Variants in KCP observed in about 807,000 individuals in gnomAD.
KCP encodes kielin/chordin-like protein.
KCP carries 194 observed loss-of-function variants against 212.7 expected under a neutral mutation model. That is an observed-to-expected ratio of 0.91 (90% CI 0.81 to 1.03). KCP has a LOEUF of 1.03. Ranked by LOEUF, KCP falls within the 50% of genes least tolerant of loss-of-function variation. KCP has a pLI of 0.00. For synonymous variants in KCP, 833 were observed against 865.3 expected (o/e 0.96, Z 0.65); for missense variants, 2,080 against 2,162.5 (o/e 0.96, Z 0.76).
intron 18 of KCP, 77 bp downstream of exon 18, chr7:128,891,374 C>T (rs1794120070): frequency 6.5e-7 from 1 of 1,545,654 alleles, no homozygotes; most frequent in African/African-American, 1.4e-5. Context: ...ACCCCTCCCA[C>T]CTGGGCGGGC....
In KCP at chr7:128,891,112, G is replaced by A. The variant is rs1263991252; in HGVS notation, c.1973-16C>T. The A allele has an allele frequency of 2.7e-6, 4 of 1,480,634 alleles. No individual in the cohort carries two copies. The highest frequency in any genetic ancestry group is 2.6e-5 in the South Asian group (2 of 77,354). 91.7% of individuals were successfully genotyped at this position (1,480,634 alleles called of 1,614,324 possible). ...GCTGGGGCGGCTGCGGCGAGACAGC[G>A]CATCAAAGGGGCCCAGGAACAGGCC... is the stretch of plus-strand genomic sequence containing the variant. On this transcript the variant is annotated splice_polypyrimidine_tract_variant and intron_variant, in intron 19 of 39. Transcript: ENST00000610776.
chr7:128,877,714 C>T lies in KCP; in HGVS notation c.4388G>A (p.Arg1463His), dbSNP rs779798989. 107 of 1,551,030 alleles carry T rather than the reference C, an allele frequency of 6.9e-5. No individual in the cohort carries two copies. Among genetic ancestry groups the T allele is most frequent in the Admixed American group, 6.1e-4 (31 of 50,992 alleles). Residue 1463 changes from arginine to histidine, a missense_variant, in exon 39 of 40, where the codon CGT (arginine) becomes CAT (histidine). Transcript: ENST00000610776. The part of the protein sequence containing the change: ...EVDPCRAAGY[R>H]ARREANARCG... ...CCGGGCATTGGCCTCACGCCTGGCA[C>T]GGTAACCTGCTGCCCGGCACGGATC...
At chr7:128,910,544 G>T in intron 1 of KCP, 57 bp downstream of exon 1, 1 of 1,452,804 alleles carries the variant, frequency 6.9e-7, no homozygotes, top group Non-Finnish European at 9.2e-7. Context: ...AGGCCGGGCT[G>T]ATAGGAGGGA....
intron 2 of KCP, among the ~76,000 whole-genome samples, chr7:128,907,961 T>G (rs1364630518): frequency 6.6e-6 from 1 of 151,752 alleles, no homozygotes; most frequent in African/African-American, 2.4e-5. Flanking sequence ...AAATCCTATC[T>G]CTACTAAAAA....
intron 17 of KCP, 46 bp downstream of exon 17, chr7:128,891,600 C>A: frequency 5.3e-6 from 8 of 1,509,614 alleles, no homozygotes; most frequent in Non-Finnish European, 7.1e-6. Flanking sequence ...CTTCCGGGGG[C>A]CATGCCATCC....
chr7:128,882,160 A>G, intron 29 of KCP, 144 bp from the exon 30 acceptor site: 1 of 616,340 alleles, frequency 1.6e-6, no homozygotes, highest in South Asian at 2.0e-5. Flanking sequence ...TCCAGGGAGG[A>G]TAAGTCCTCT....
At chr7:128,909,335 C>G (rs1795311335) in intron 1 of KCP, among the ~76,000 whole-genome samples, 1 of 152,138 alleles carries the variant, frequency 6.6e-6, no homozygotes, top group Non-Finnish European at 1.5e-5. Context: ...TCTTTCCCAC[C>G]ATGGCAGCTC....
intron 16 of KCP, 83 bp downstream of exon 16, chr7:128,892,431 A>AG: frequency 1.0e-6 from 1 of 999,358 alleles, no homozygotes; most frequent in South Asian, 1.7e-5. Context: ...ATTGCTTTCT[A>AG]AGGTACCTGT....
intron 7 of KCP, chr7:128,903,189 C>T: frequency 2.7e-6 from 1 of 370,322 alleles, no homozygotes; most frequent in Non-Finnish European, 4.9e-6. Context: ...CACGCCTGTG[C>T]TTGATTTCTC....
In KCP at chr7:128,880,536, G is replaced by A. The variant is rs1388868742; in HGVS notation, c.3617-8C>T. 1.4e-6 allele frequency: 2 copies of A among 1,460,462 alleles called. No individual in the cohort carries two copies. The highest frequency in any genetic ancestry group is 1.8e-6 in the Non-Finnish European group (2 of 1,095,558). 90.5% of individuals were successfully genotyped at this position (1,460,462 alleles called of 1,614,324 possible). A position where few individuals can be genotyped will look rare whatever the true frequency, so the allele number is the denominator to read the frequency against. Reference sequence around the variant, plus strand: ...CGCAGGACTGGGTGGGAGCTGAAGGGATAGGAGCTGGGAGGGTCAGCTGCT... The same window carrying A: ...CGCAGGACTGGGTGGGAGCTGAAGGAATAGGAGCTGGGAGGGTCAGCTGCT... On this transcript the variant is annotated splice_region_variant and splice_polypyrimidine_tract_variant and intron_variant, in intron 33 of 39. Coordinates refer to ENST00000610776, the MANE Select transcript of KCP (RefSeq NM_001366122.1).
rs1003702929 is a variant in KCP at position 128,881,654 on chromosome 7, G to C, written c.3396C>G (p.Pro1132=). ...GGCATACGGGGCAGCAGCTCCCAGG[G>C]GGAGTGTGGCGCTCTGAGAGGGGAC... ...LSCPLSERHT[P]PGSCCPVCRE... Residue 1132 remains proline, a synonymous_variant, in exon 31 of 40, where the codon CCC becomes CCG. Transcript: ENST00000610776. The C allele has an allele frequency of 1.3e-6, 2 of 1,511,860 alleles. No individual in the cohort carries two copies. Among genetic ancestry groups the C allele is most frequent in the African/African-American group, 2.8e-5 (2 of 70,342 alleles). The allele number at this position is 1,511,860 out of a possible 1,614,324, so 93.7% of individuals were successfully genotyped here.
Position 128,879,984 on chromosome 7 carries a change from G to A in KCP, c.3861C>T (p.Asp1287=), listed in dbSNP as rs755380292. The change falls in exon 35 of 40, where the codon GAC becomes GAT. Residue 1287 remains aspartate (D), a synonymous_variant. Transcript: ENST00000610776. ...TGCCCTGGAAGTGCAGCAGGCGGCC[G>A]TCGAAGGTGCGGTAATGGGGGTCTC... ...AFGDPHYRTF[D]GRLLHFQGSC... is the part of the protein sequence containing the mutation. 120 of 1,550,490 alleles carry A rather than the reference G, an allele frequency of 7.7e-5. No homozygotes were observed. Among genetic ancestry groups the A allele is most frequent in the South Asian group, 3.6e-5 (3 of 84,066 alleles).
chr7:128,885,114 C>T lies in KCP; in HGVS notation c.3023G>A (p.Cys1008Tyr). ...CAQPRQGPHDCCPQCSDCEHE... is the reference protein window; with the variant it reads ...CAQPRQGPHDYCPQCSDCEHE... The stretch of plus-strand genomic sequence containing the variant: ...TCCAGTACCAGAGCATTGAGGACAG[C>T]AGTCATGGGGCCCTTGGCGGGGCTG... Residue 1008 changes from cysteine to tyrosine, a missense_variant, in exon 27 of 40, where the codon TGC becomes TAC. Coordinates refer to ENST00000610776, the MANE Select transcript of KCP (RefSeq NM_001366122.1). The T allele has an allele frequency of 6.4e-7, 1 of 1,550,860 alleles. No individual in the cohort carries two copies. The highest frequency in any genetic ancestry group is 8.7e-7 in the Non-Finnish European group (1 of 1,147,006).
At position 128,887,279 on chromosome 7, in the gene KCP, G is replaced by C. The variant is rs1173236194; in HGVS notation, c.2534C>G (p.Thr845Ser). The C allele has an allele frequency of 1.9e-6, 3 of 1,551,374 alleles. No homozygotes were observed. The South Asian group carries it at 3.6e-5, about 18-fold the overall frequency. ...TCQGCRYHGV[T>S]TASGETLPDP... ...AGGAAGGGTCTCTCCGGAGGCAGTAGTGACGCCATGGTAGCGGCATCCTGG... is the reference window on the plus strand; with the variant it reads ...AGGAAGGGTCTCTCCGGAGGCAGTACTGACGCCATGGTAGCGGCATCCTGG... Residue 845 changes from threonine to serine, a missense_variant, in exon 23 of 40, where the codon ACT (threonine) becomes AGT (serine). Physicochemically the swap from Thr to Ser is moderately conservative, Grantham distance 58. Transcript: ENST00000610776.
chr7:128,887,791 CCA>C (rs1793766320), intron 22 of KCP, among the ~76,000 whole-genome samples: 3 of 132,620 alleles, frequency 2.3e-5, no homozygotes, highest in Non-Finnish European at 3.3e-5. Flanking sequence ...ATACACGCAC[CCA>C]CATACACACA....
rs200525890 is a variant in KCP, at chr7:128,884,734, T to TC, written c.3123+46dup. 81 of 1,516,700 alleles carry TC rather than the reference T, an allele frequency of 5.3e-5. No homozygotes were observed. In the East Asian group the frequency reaches 8.1e-4, roughly 15 times the overall value. The allele number at this position is 1,516,700 out of a possible 1,614,324, so 94.0% of individuals were successfully genotyped here. A position where few individuals can be genotyped will look rare whatever the true frequency, so the allele number is the denominator to read the frequency against. On this transcript the variant is annotated intron_variant, in intron 28 of 39. Coordinates refer to ENST00000610776, the MANE Select transcript of KCP (RefSeq NM_001366122.1). ...CTGGGCCTCATCCCATGCTGCCCAC[T>TC]CCCCCCCGACGAGGTGCCCCAGCCC...
At chr7:128,906,689 C>G (rs1207987240) in intron 4 of KCP, among the ~76,000 whole-genome samples, 1 of 152,044 alleles carries the variant, frequency 6.6e-6, no homozygotes, top group African/African-American at 2.4e-5. Flanking sequence ...GATGTGGCAA[C>G]TGGTGAGGGA....
At chr7:128,906,088 G>T (rs112865385) in intron 5 of KCP, among the ~76,000 whole-genome samples, 191 bp downstream of exon 5, 373 of 152,290 alleles carry the variant, frequency 2.4e-3, no homozygotes, top group African/African-American at 8.0e-3. Context: ...TTTCCCTATG[G>T]TCTCTGGCTC....
At chr7:128,887,155 T>C in intron 23 of KCP, 60 bp downstream of exon 23, 2 of 1,431,664 alleles carry the variant, frequency 1.4e-6, no homozygotes, top group Non-Finnish European at 1.9e-6. Flanking sequence ...AGCCTCTTCC[T>C]GGCCAGAGAG....
Sources: gnomAD v4.1 joint callset for allele counts (sites outside exome capture counted in the v4.1 genomes callset) on GRCh38, gnomAD v4.1.1 for gene constraint, MANE v1.5 for transcripts, NCBI Gene and HGNC (gene_info 2026-07-23, HGNC 2026-07-21) for gene names.